The following XKR6 variants were observed in gnomAD, a reference collection of about 807,000 sequenced individuals.
The protein encoded by XKR6 is XK related 6, also known as XK-related protein 6.
Under a neutral mutation model 56.7 loss-of-function variants are expected in XKR6, and 22 were observed. That is an observed-to-expected ratio of 0.39 (90% CI 0.28 to 0.55). XKR6 has a LOEUF of 0.55. Ranked by LOEUF, XKR6 falls within the 20% of genes least tolerant of loss-of-function variation. The pLI is 0.66. For synonymous variants in XKR6, 524 were observed against 387.8 expected, an observed-to-expected ratio of 1.35 and a Z score of -4.13; for missense variants, 852 against 889.0, an observed-to-expected ratio of 0.96 and a Z score of 0.53.
intron 1 of XKR6, among the ~76,000 whole-genome samples, chr8:11,147,434 G>C (rs1402383679): frequency 6.6e-6 from 1 of 152,104 alleles, no homozygotes; most frequent in Non-Finnish European, 1.5e-5. Context: ...GGGAGGCTGA[G>C]GCAGGCAGAT....
chr8:11,017,824 G>T (rs73196888), intron 1 of XKR6, among the ~76,000 whole-genome samples: 41,618 of 152,120 alleles, frequency 0.27, 6,335 homozygotes, highest in Middle Eastern at 0.38. Flanking sequence ...TTCCTCCTGG[G>T]CCAGGAAGCA....
intron 1 of XKR6, among the ~76,000 whole-genome samples, chr8:11,070,969 G>T (rs977862961): frequency 6.6e-6 from 1 of 152,212 alleles, no homozygotes; most frequent in East Asian, 1.9e-4. Context: ...TCACTGGGGC[G>T]CTATCCCAAG....
intron 1 of XKR6, among the ~76,000 whole-genome samples, chr8:11,171,448 A>C (rs563209250): frequency 1.3e-5 from 2 of 152,334 alleles, no homozygotes; most frequent in East Asian, 3.9e-4. Context: ...TTTCATCTCC[A>C]GTACTGGGGC....
At chr8:10,910,866 A>G (rs1364308837) in intron 2 of XKR6, among the ~76,000 whole-genome samples, 1 of 152,218 alleles carries the variant, frequency 6.6e-6, no homozygotes, top group Non-Finnish European at 1.5e-5. Flanking sequence ...CTGGCATGGC[A>G]CAAGGCTCAA....
At chr8:11,041,418 T>A (rs888481394) in intron 1 of XKR6, among the ~76,000 whole-genome samples, 5 of 151,852 alleles carry the variant, frequency 3.3e-5, no homozygotes, top group Admixed American at 2.0e-4. Flanking sequence ...TAGCTGGGCG[T>A]GGTGGTGCGT....
At chr8:11,142,023 CAAAAAAAA>C in intron 1 of XKR6, among the ~76,000 whole-genome samples, 1 of 99,438 alleles carries the variant, frequency 1.0e-5, no homozygotes, top group East Asian at 2.7e-4. Context: ...TACTACATTC[CAAAAAAAA>C]AAAAAAGGAA....
chr8:11,113,973 C>A, intron 1 of XKR6: 1 of 346,072 alleles, frequency 2.9e-6, no homozygotes, highest in South Asian at 2.2e-5. Flanking sequence ...CTGGCTTTGC[C>A]ATTTACCATG....
intron 1 of XKR6, among the ~76,000 whole-genome samples, chr8:11,077,659 C>G (rs1013605022): frequency 6.6e-6 from 1 of 152,190 alleles, no homozygotes; most frequent in East Asian, 1.9e-4. Flanking sequence ...GAGGAAGGAG[C>G]CTGTGGCTGT....
At chr8:11,073,301 C>T (rs1270395127) in intron 1 of XKR6, among the ~76,000 whole-genome samples, 2 of 152,146 alleles carry the variant, frequency 1.3e-5, no homozygotes, top group Non-Finnish European at 2.9e-5. Context: ...CTTAAGCAAA[C>T]ACTGGCAGAG....
intron 1 of XKR6, among the ~76,000 whole-genome samples, chr8:10,931,530 G>T (rs569332155): frequency 6.6e-6 from 1 of 152,220 alleles, no homozygotes; most frequent in South Asian, 2.1e-4. Flanking sequence ...TAAAGCTACA[G>T]CACAGTGTAG....
intron 1 of XKR6, among the ~76,000 whole-genome samples, chr8:10,926,810 G>A (rs1282450807): frequency 1.3e-5 from 2 of 152,244 alleles, no homozygotes; most frequent in African/African-American, 2.4e-5. Context: ...CTGGGCCCCT[G>A]CCCGTGAGTT....
chr8:11,034,902 C>A (rs1250407669), intron 1 of XKR6, among the ~76,000 whole-genome samples: 1 of 152,226 alleles, frequency 6.6e-6, no homozygotes, highest in Non-Finnish European at 1.5e-5. Flanking sequence ...AGCTGGGCTT[C>A]TCCTGCGGTG....
In XKR6 at chr8:11,148,496, GT is replaced by G. The variant is rs1411472556; in HGVS notation, c.764+52079del. On this transcript the variant is annotated intron_variant, in intron 1 of 2. Coordinates refer to ENST00000416569, the MANE Select transcript of XKR6 (RefSeq NM_173683.4). ...ACATTGCTGTTGTTTAAGCGCCCCA[GT>G]TTGTGGTTGTTTGTTATGGCTGTGC... Among the ~76,000 whole-genome samples the G allele has an allele frequency of 2.0e-5, 3 of 152,196 alleles. No homozygotes were observed. The East Asian group carries it at 5.8e-4, about 29-fold the overall frequency.
intron 1 of XKR6, among the ~76,000 whole-genome samples, chr8:10,951,088 G>A (rs897588252): frequency 2.6e-5 from 4 of 152,112 alleles, no homozygotes; most frequent in Admixed American, 6.6e-5. Context: ...ATCCATCCAC[G>A]ACCCCAGGGC....
chr8:11,084,876 C>T (rs939035413), intron 1 of XKR6, among the ~76,000 whole-genome samples: 2 of 152,186 alleles, frequency 1.3e-5, no homozygotes, highest in Non-Finnish European at 2.9e-5. Context: ...GTCTTCCTCA[C>T]ATATTTGCAG....
chr8:11,134,344 C>T (rs1433691870), intron 1 of XKR6, among the ~76,000 whole-genome samples: 1 of 152,068 alleles, frequency 6.6e-6, no homozygotes, highest in Non-Finnish European at 1.5e-5. Flanking sequence ...GTATCTTTGG[C>T]CAAGATTAAC....
chr8:10,959,241 A>G (rs1801989002), intron 1 of XKR6, among the ~76,000 whole-genome samples: 1 of 152,142 alleles, frequency 6.6e-6, no homozygotes, highest in African/African-American at 2.4e-5. Flanking sequence ...CCTGGAGACC[A>G]CAGGAGTGGG....
At chr8:10,904,167 C>G (rs544146274) in intron 2 of XKR6, among the ~76,000 whole-genome samples, 1 of 152,310 alleles carries the variant, frequency 6.6e-6, no homozygotes, top group African/African-American at 2.4e-5. Context: ...GAGCAGTGAC[C>G]TTCACAGCTC....
chr8:11,131,731 T>A lies in XKR6; in HGVS notation c.764+68845A>T, dbSNP rs116348376. Among the ~76,000 whole-genome samples, 329 of 152,278 alleles carry A rather than the reference T, an allele frequency of 2.2e-3. 2 individuals are homozygous for A. The highest frequency in any genetic ancestry group is 7.5e-3 in the African/African-American group (311 of 41,510). On this transcript the variant is annotated intron_variant, in intron 1 of 2. Coordinates refer to ENST00000416569, the MANE Select transcript of XKR6 (RefSeq NM_173683.4). ...GTCCCAGATGATTATTTATACCATA[T>A]TTTTACTACACCTTTTCTATGTTTA... is the stretch of plus-strand genomic sequence containing the variant.
Sources: allele counts gnomAD v4.1 joint callset (sites outside exome capture counted in the v4.1 genomes callset), GRCh38; gene constraint gnomAD v4.1.1; transcripts MANE v1.5; gene names NCBI Gene and HGNC (gene_info 2026-07-23, HGNC 2026-07-21).